Variants in PDE3A observed in about 807,000 individuals in gnomAD.
PDE3A encodes phosphodiesterase 3A.
A neutral mutation model predicts 98.3 loss-of-function variants in PDE3A; 43 were observed. The ratio of observed to expected loss-of-function variants is 0.44; its 90% CI spans 0.34 to 0.56. PDE3A has a LOEUF of 0.56. Ranked by LOEUF, PDE3A falls within the 20% of genes least tolerant of loss-of-function variation. The pLI is 0.01. For synonymous variants in PDE3A, 663 were observed against 567.9 expected, an observed-to-expected ratio of 1.17 and a Z score of -2.38; for missense variants, 1,427 against 1,440.7, an observed-to-expected ratio of 0.99 and a Z score of 0.15.
rs78715370 is a variant in PDE3A, at chr12:20,388,685, T to C, written c.960+18441T>C. On this transcript the variant is annotated intron_variant, in intron 1 of 15. Transcript: ENST00000359062. ...AAGTAATGAGCATGTTTTCTAAAAA[T>C]GAGTAATTTCTATGTTTTGTTGTTT... Among the ~76,000 whole-genome samples, 687 of 152,150 alleles carry C rather than the reference T, an allele frequency of 4.5e-3. 6 individuals carry two copies. The highest frequency in any genetic ancestry group is 0.016 in the African/African-American group (650 of 41,548).
intron 1 of PDE3A, among the ~76,000 whole-genome samples, chr12:20,465,865 T>A (rs550173988): frequency 2.8e-4 from 43 of 152,250 alleles, no homozygotes; most frequent in Non-Finnish European, 5.0e-4. Flanking sequence ...AAAAGAATAT[T>A]CCAGAACAGG....
intron 1 of PDE3A, among the ~76,000 whole-genome samples, chr12:20,502,648 A>G (rs942176892): frequency 5.9e-5 from 9 of 152,312 alleles, no homozygotes; most frequent in South Asian, 2.1e-4. Context: ...GTGAGTGACT[A>G]TAGAGGTAAA....
At chr12:20,389,013 A>T (rs1943865489) in intron 1 of PDE3A, among the ~76,000 whole-genome samples, 1 of 152,034 alleles carries the variant, frequency 6.6e-6, no homozygotes, top group South Asian at 2.1e-4. Flanking sequence ...AAAAATAGAG[A>T]GTGTGCTCTC....
chr12:20,659,143 G>A (rs1341556300), intron 15 of PDE3A, among the ~76,000 whole-genome samples: 2 of 152,026 alleles, frequency 1.3e-5, no homozygotes, highest in African/African-American at 4.8e-5. Flanking sequence ...ATCTCATGAA[G>A]AAATTATGAA....
chr12:20,381,443 T>G (rs1048637112), intron 1 of PDE3A, among the ~76,000 whole-genome samples: 2 of 151,852 alleles, frequency 1.3e-5, no homozygotes, highest in African/African-American at 2.4e-5. Context: ...GGCATAATAT[T>G]AGTGCATGTA....
chr12:20,659,378 A>C (rs1945109226), intron 15 of PDE3A, among the ~76,000 whole-genome samples: 1 of 152,186 alleles, frequency 6.6e-6, no homozygotes, highest in East Asian at 1.9e-4. Flanking sequence ...TAGCCCTTCC[A>C]CAAAGATGTT....
chr12:20,402,030 A>T (rs886506073), intron 1 of PDE3A, among the ~76,000 whole-genome samples: 4 of 152,216 alleles, frequency 2.6e-5, no homozygotes, highest in Non-Finnish European at 5.9e-5. Flanking sequence ...AGGAATTCAC[A>T]GACATAGGTT....
chr12:20,448,735 A>C (rs2120876158), intron 1 of PDE3A, among the ~76,000 whole-genome samples: 1 of 128,834 alleles, frequency 7.8e-6, no homozygotes, highest in South Asian at 2.8e-4. Flanking sequence ...TACATTATTT[A>C]AAGTTTTTAT....
chr12:20,408,550 C>T (rs1207055377), intron 1 of PDE3A, among the ~76,000 whole-genome samples: 1 of 152,080 alleles, frequency 6.6e-6, no homozygotes, highest in Admixed American at 6.5e-5. Context: ...TAAAGAGTTT[C>T]TTTTCATAAG....
chr12:20,414,971 A>G lies in PDE3A; in HGVS notation c.960+44727A>G, dbSNP rs149330141. Reference sequence around the variant, plus strand: ...TTATAAAGTACTCATTACTTTTTTGATCATAAAGATTAAACTTTACAGGAT... The same window carrying G: ...TTATAAAGTACTCATTACTTTTTTGGTCATAAAGATTAAACTTTACAGGAT... On this transcript the variant is annotated intron_variant, in intron 1 of 15. Coordinates refer to ENST00000359062, the MANE Select transcript of PDE3A (RefSeq NM_000921.5). Among the ~76,000 whole-genome samples the G allele has an allele frequency of 3.0e-3, 455 of 151,090 alleles. 1 individual carries two copies. Among genetic ancestry groups the G allele is most frequent in the Non-Finnish European group, 5.5e-3 (373 of 67,344 alleles).
At chr12:20,426,040 A>G (rs939704253) in intron 1 of PDE3A, among the ~76,000 whole-genome samples, 1 of 152,232 alleles carries the variant, frequency 6.6e-6, no homozygotes. Flanking sequence ...CATATTCAAT[A>G]CAAAATAAGT....
intron 1 of PDE3A, among the ~76,000 whole-genome samples, chr12:20,488,384 C>T (rs59656175): frequency 1.3e-5 from 2 of 152,068 alleles, no homozygotes; most frequent in African/African-American, 2.4e-5. Flanking sequence ...TTAAGGATTC[C>T]ATTTAATTGC....
At chr12:20,474,457 C>T (rs1945493868) in intron 1 of PDE3A, among the ~76,000 whole-genome samples, 2 of 152,144 alleles carry the variant, frequency 1.3e-5, no homozygotes, top group South Asian at 2.1e-4. Flanking sequence ...TTTTCTCTGG[C>T]ATCTATAACA....
Position 20,595,818 on chromosome 12 carries a change from T to C in PDE3A, c.1012-17625T>C, listed in dbSNP as rs184740250. Among the ~76,000 whole-genome samples the C allele has an allele frequency of 6.9e-4, 105 of 152,280 alleles. 1 individual carries two copies. Among genetic ancestry groups the C allele is most frequent in the African/African-American group, 2.5e-3 (103 of 41,552 alleles). ...CATTTTTAAGATAAAGCTTTGCTTA[T>C]TTGTTTTTATGGCATATTTCAATTA... On this transcript the variant is annotated intron_variant, in intron 2 of 15. Coordinates refer to ENST00000359062, the MANE Select transcript of PDE3A (RefSeq NM_000921.5).
chr12:20,603,566 T>A (rs1011516586), intron 2 of PDE3A, among the ~76,000 whole-genome samples: 18 of 151,868 alleles, frequency 1.2e-4, no homozygotes, highest in African/African-American at 2.9e-4. Context: ...TTATTTAATT[T>A]ATTTATTTAT....
At chr12:20,545,584 A>G (rs897250916) in intron 1 of PDE3A, among the ~76,000 whole-genome samples, 4 of 152,048 alleles carry the variant, frequency 2.6e-5, no homozygotes, top group Non-Finnish European at 5.9e-5. Context: ...TAAGAATTCT[A>G]AGGAATCTCT....
intron 1 of PDE3A, among the ~76,000 whole-genome samples, chr12:20,372,144 C>T (rs544950909): frequency 1.1e-3 from 170 of 152,200 alleles, no homozygotes; most frequent in Middle Eastern, 3.4e-3. Context: ...TATTGGGTTT[C>T]TCTGGTTTAA....
chr12:20,644,325 T>C (rs1008365573), intron 10 of PDE3A, among the ~76,000 whole-genome samples: 6 of 152,248 alleles, frequency 3.9e-5, no homozygotes, highest in Non-Finnish European at 8.8e-5. Flanking sequence ...TTTACATGAA[T>C]AATGTTTACA....
At chr12:20,607,392 G>A (rs1378642238) in intron 2 of PDE3A, among the ~76,000 whole-genome samples, 8 of 149,482 alleles carry the variant, frequency 5.4e-5, no homozygotes, top group Non-Finnish European at 8.9e-5. Flanking sequence ...AGCTGAGATC[G>A]TGCCAGTGCA....
Sources: allele counts gnomAD v4.1 joint callset (sites outside exome capture counted in the v4.1 genomes callset), GRCh38; gene constraint gnomAD v4.1.1; transcripts MANE v1.5; gene names NCBI Gene and HGNC (gene_info 2026-07-23, HGNC 2026-07-21).